Variants in CEP162 observed in about 807,000 individuals in gnomAD.
CEP162 encodes the protein centrosomal protein of 162 kDa.
Under a neutral mutation model 169.2 loss-of-function variants are expected in CEP162, and 141 were observed. The ratio of observed to expected loss-of-function variants is 0.83; its 90% CI spans 0.73 to 0.96. The LOEUF is 0.96. Among genes scored for constraint, CEP162 ranks in the 40% least tolerant of loss-of-function variants. The pLI, the probability that CEP162 is intolerant of heterozygous loss-of-function variation, is 0.00. For missense variants in CEP162, 1,600 were observed against 1,587.2 expected (o/e 1.01, Z -0.14); for synonymous variants, 540 against 526.4 (o/e 1.03, Z -0.35).
intron 17 of CEP162, 107 bp from the exon 18 acceptor site, chr6:84,169,540 GTA>G (rs1044185914): frequency 3.4e-6 from 2 of 588,714 alleles, no homozygotes; most frequent in Admixed American, 6.8e-5. Context: ...CATTGAAACT[GTA>G]TGCATAAATG....
chr6:84,127,923 G>A (rs1369457384), intron 25 of CEP162, among the ~76,000 whole-genome samples: 1 of 152,180 alleles, frequency 6.6e-6, no homozygotes, highest in Non-Finnish European at 1.5e-5. Context: ...GAGTCTTAAA[G>A]GGTAAGTAGT....
At chr6:84,220,363 G>C (rs115585966) in intron 3 of CEP162, among the ~76,000 whole-genome samples, 19 of 152,080 alleles carry the variant, frequency 1.2e-4, no homozygotes, top group Admixed American at 1.2e-3. Context: ...TGGTGGCTTA[G>C]GCTTGTAATC....
chr6:84,189,796 C>T (rs1338345631), intron 11 of CEP162, among the ~76,000 whole-genome samples: 30 of 152,358 alleles, frequency 2.0e-4, no homozygotes, highest in Non-Finnish European at 3.4e-4. Context: ...CCTGCAGCCC[C>T]GGTGCGGGAT....
chr6:84,219,411 G>T (rs922809678), intron 3 of CEP162, among the ~76,000 whole-genome samples: 3 of 152,070 alleles, frequency 2.0e-5, no homozygotes, highest in African/African-American at 7.2e-5. Flanking sequence ...CCATCAATCA[G>T]GTTACATGTG....
intron 13 of CEP162, among the ~76,000 whole-genome samples, chr6:84,183,557 T>C (rs2099535807): frequency 6.6e-6 from 1 of 152,154 alleles, no homozygotes. Flanking sequence ...CAATAATCCT[T>C]TGACCTCACT....
intron 25 of CEP162, among the ~76,000 whole-genome samples, chr6:84,143,715 T>C (rs552738226): frequency 1.3e-5 from 2 of 152,132 alleles, no homozygotes; most frequent in South Asian, 4.1e-4. Flanking sequence ...GTTTTAAAAA[T>C]GAGCCTTAAT....
chr6:84,193,321 C>G (rs968378154), intron 11 of CEP162, among the ~76,000 whole-genome samples: 7 of 152,208 alleles, frequency 4.6e-5, no homozygotes, highest in South Asian at 2.1e-4. Flanking sequence ...TCTCCCTCAT[C>G]ATGAATGAAC....
intron 6 of CEP162, among the ~76,000 whole-genome samples, chr6:84,210,302 A>T (rs941689062): frequency 2.0e-5 from 3 of 152,228 alleles, no homozygotes; most frequent in Non-Finnish European, 4.4e-5. Flanking sequence ...TTTGTTGGCA[A>T]ACTTAGCTGC....
chr6:84,196,256 A>C (rs1426236642), intron 9 of CEP162, among the ~76,000 whole-genome samples: 2 of 152,148 alleles, frequency 1.3e-5, no homozygotes, highest in South Asian at 2.1e-4. Context: ...GGTTTTAAAA[A>C]CAAGAGTTTC....
intron 6 of CEP162, among the ~76,000 whole-genome samples, chr6:84,208,408 G>A (rs1004137068): frequency 6.6e-6 from 1 of 152,132 alleles, no homozygotes; most frequent in African/African-American, 2.4e-5. Context: ...TCAAAAAACT[G>A]CATCACACTG....
intron 13 of CEP162, among the ~76,000 whole-genome samples, chr6:84,176,290 C>A (rs2099532374): frequency 6.6e-6 from 1 of 152,242 alleles, no homozygotes; most frequent in African/African-American, 2.4e-5. Flanking sequence ...TACCAACAGT[C>A]CCTCACCAAA....
intron 11 of CEP162, among the ~76,000 whole-genome samples, chr6:84,187,170 A>C (rs184660730): frequency 8.2e-4 from 125 of 152,314 alleles, no homozygotes; most frequent in African/African-American, 2.6e-3. Context: ...TTTGAAAAGA[A>C]AATCATTTCT....
At chr6:84,188,103 CAA>C (rs200434055) in intron 11 of CEP162, among the ~76,000 whole-genome samples, 14 of 80,558 alleles carry the variant, frequency 1.7e-4, no homozygotes, top group African/African-American at 3.9e-4. Context: ...GACTCCGTCT[CAA>C]AAAAAAAAAA....
chr6:84,192,430 A>G (rs1383392568), intron 11 of CEP162, among the ~76,000 whole-genome samples: 1 of 152,254 alleles, frequency 6.6e-6, no homozygotes, highest in Non-Finnish European at 1.5e-5. Flanking sequence ...CCAAACAGCA[A>G]TGATGAGTGG....
intron 5 of CEP162, among the ~76,000 whole-genome samples, chr6:84,214,742 G>A (rs2099550876): frequency 6.6e-6 from 1 of 152,156 alleles, no homozygotes; most frequent in African/African-American, 2.4e-5. Flanking sequence ...CTAAATAAGG[G>A]CATTAAAGAC....
At chr6:84,181,347 T>C (rs970986822) in intron 13 of CEP162, among the ~76,000 whole-genome samples, 1 of 152,112 alleles carries the variant, frequency 6.6e-6, no homozygotes, top group Non-Finnish European at 1.5e-5. Flanking sequence ...ATACAAAAAT[T>C]AATTCAAGAT....
chr6:84,225,328 A>AT (rs1210350321), intron 2 of CEP162, among the ~76,000 whole-genome samples: 5 of 152,224 alleles, frequency 3.3e-5, no homozygotes, highest in Admixed American at 1.3e-4. Flanking sequence ...GCTGTTCAGC[A>AT]TGTACTGTAC....
chr6:84,162,150 G>C (rs553460558), intron 19 of CEP162, among the ~76,000 whole-genome samples: 2 of 152,052 alleles, frequency 1.3e-5, no homozygotes, highest in African/African-American at 4.8e-5. Flanking sequence ...TGGCTATGTA[G>C]AAATTTTTGA....
intron 25 of CEP162, among the ~76,000 whole-genome samples, chr6:84,131,142 A>C (rs2129184725): frequency 6.6e-6 from 1 of 152,276 alleles, no homozygotes; most frequent in East Asian, 1.9e-4. Context: ...GCAGTGGTTC[A>C]GTTTCCATGT....
Sources: allele counts gnomAD v4.1 joint callset (sites outside exome capture counted in the v4.1 genomes callset), GRCh38; gene constraint gnomAD v4.1.1; transcripts MANE v1.5; gene names NCBI Gene and HGNC (gene_info 2026-07-23, HGNC 2026-07-21).